NAV3: variants seen among roughly 807,000 people sequenced by gnomAD.
NAV3 encodes the protein pore membrane and/or filament interacting like protein 1.
NAV3 carries 87 observed loss-of-function variants against 244.7 expected under a neutral mutation model. That is an observed-to-expected ratio of 0.36 (90% CI 0.30 to 0.42). NAV3 has a LOEUF of 0.42. Among genes scored for constraint, NAV3 ranks in the 20% least tolerant of loss-of-function variants. The probability of loss-of-function intolerance (pLI) is 1.00; values close to 1 mark genes in which losing one functional copy is unlikely to be tolerated. For synonymous variants in NAV3, 1,126 were observed against 1,042.2 expected (o/e 1.08, Z -1.55); for missense variants, 2,663 against 2,893.3 (o/e 0.92, Z 1.83).
intron 1 of NAV3, among the ~76,000 whole-genome samples, chr12:77,907,441 A>T (rs1161286385): frequency 6.6e-6 from 1 of 151,998 alleles, no homozygotes; most frequent in East Asian, 1.9e-4. Flanking sequence ...GCTCAATTTC[A>T]TCTCTTTTAT....
chr12:77,824,762 G>T (rs1336316352), intron 2 of NAV3, among the ~76,000 whole-genome samples: 1 of 151,850 alleles, frequency 6.6e-6, no homozygotes, highest in Non-Finnish European at 1.5e-5. Flanking sequence ...GTGTGGTGGT[G>T]TGTGCCTGTA....
chr12:78,022,380 G>A (rs1002287440), intron 9 of NAV3, among the ~76,000 whole-genome samples: 1 of 152,146 alleles, frequency 6.6e-6, no homozygotes. Context: ...TGCTCAGCTT[G>A]AGCACAATGT....
At chr12:77,875,439 A>G (rs1207165770) in intron 1 of NAV3, among the ~76,000 whole-genome samples, 2 of 152,050 alleles carry the variant, frequency 1.3e-5, no homozygotes, top group African/African-American at 4.8e-5. Context: ...TTAATGCTTT[A>G]TAATTATCAA....
chr12:77,758,831 G>T (rs189861832), intron 2 of NAV3, among the ~76,000 whole-genome samples: 2 of 152,254 alleles, frequency 1.3e-5, no homozygotes, highest in African/African-American at 2.4e-5. Flanking sequence ...CAATAGTAAA[G>T]AAGTGAAATA....
chr12:77,783,710 G>C (rs1870778102), intron 2 of NAV3: 1 of 152,150 alleles, frequency 6.6e-6, no homozygotes, highest in Non-Finnish European at 1.5e-5. Context: ...ATTTTACTTA[G>C]AGGAAACTAC....
At position 77,669,286 on chromosome 12, in the gene NAV3, A is replaced by G. The variant is rs192325498; in HGVS notation, c.72+97020A>G. Among the ~76,000 whole-genome samples, 174 of 152,256 alleles carry G rather than the reference A, an allele frequency of 1.1e-3. 2 individuals carry two copies. The highest frequency in any genetic ancestry group is 5.3e-4 in the Non-Finnish European group (36 of 67,998). ...CTCACAGGGCCTAAGTAACAACACA[A>G]TGAAGAAAAAAACAACGTATTCAGG... On this transcript the variant is annotated intron_variant, in intron 2 of 8. Transcript: ENST00000550042.
chr12:77,949,421 G>A (rs1184860583), intron 3 of NAV3, among the ~76,000 whole-genome samples: 1 of 151,940 alleles, frequency 6.6e-6, no homozygotes, highest in Non-Finnish European at 1.5e-5. Context: ...ATTATCTTTA[G>A]ACTTATTAAC....
intron 5 of NAV3, among the ~76,000 whole-genome samples, chr12:77,980,115 T>G (rs766861407): frequency 6.6e-6 from 1 of 152,162 alleles, no homozygotes; most frequent in Non-Finnish European, 1.5e-5. Flanking sequence ...TGTCCAGATA[T>G]AATTATCTGA....
At chr12:78,071,058 G>A (rs1225577404) in intron 12 of NAV3, among the ~76,000 whole-genome samples, 1 of 151,642 alleles carries the variant, frequency 6.6e-6, no homozygotes, top group East Asian at 2.0e-4. Flanking sequence ...AGTCCTTTGG[G>A]TATATACCCA....
chr12:77,688,527 A>G (rs1443669347), intron 2 of NAV3, among the ~76,000 whole-genome samples: 1 of 152,050 alleles, frequency 6.6e-6, no homozygotes, highest in Non-Finnish European at 1.5e-5. Flanking sequence ...TATTTGTTCA[A>G]CTGATTTTGG....
intron 1 of NAV3, among the ~76,000 whole-genome samples, chr12:77,916,262 G>T (rs1177296904): frequency 3.3e-5 from 5 of 151,986 alleles, no homozygotes; most frequent in Non-Finnish European, 5.9e-5. Context: ...TTTATTATTT[G>T]AAAGACATTG....
chr12:77,712,565 A>G (rs563939215), intron 2 of NAV3, among the ~76,000 whole-genome samples: 17 of 152,338 alleles, frequency 1.1e-4, no homozygotes, highest in African/African-American at 3.6e-4. Flanking sequence ...TTAGCCTGAT[A>G]TCCTAACCAG....
chr12:77,928,513 GA>G (rs1247090638), intron 1 of NAV3, among the ~76,000 whole-genome samples: 11 of 152,070 alleles, frequency 7.2e-5, no homozygotes, highest in Non-Finnish European at 1.0e-4. Flanking sequence ...CCTCATTAAC[GA>G]AAAACTTATG....
chr12:77,854,321 T>G (rs1254398930), intron 1 of NAV3, among the ~76,000 whole-genome samples: 1 of 152,190 alleles, frequency 6.6e-6, no homozygotes, highest in African/African-American at 2.4e-5. Context: ...TGGCAGTACC[T>G]CATACCATGT....
chr12:77,751,328 C>G (rs899875483), intron 2 of NAV3, among the ~76,000 whole-genome samples: 2 of 152,190 alleles, frequency 1.3e-5, no homozygotes. Context: ...TCTACCCCTG[C>G]CTAGGCATAT....
chr12:78,042,278 T>C (rs1365415794), intron 9 of NAV3, among the ~76,000 whole-genome samples: 2 of 152,200 alleles, frequency 1.3e-5, no homozygotes, highest in African/African-American at 4.8e-5. Context: ...TGATAGGTGG[T>C]GATTGTATCA....
intron 2 of NAV3, among the ~76,000 whole-genome samples, chr12:77,771,974 C>G (rs1276131385): frequency 2.6e-5 from 4 of 151,648 alleles, no homozygotes; most frequent in Non-Finnish European, 4.4e-5. Flanking sequence ...AAAATATGAC[C>G]AAGTATGAAA....
Position 77,763,385 on chromosome 12 carries a change from T to G in NAV3, c.73-176934T>G, listed in dbSNP as rs551683234. Among the ~76,000 whole-genome samples the G allele has an allele frequency of 2.0e-5, 3 of 152,270 alleles. No individual in the cohort carries two copies. The East Asian group carries it at 5.8e-4, about 29-fold the overall frequency. On this transcript the variant is annotated intron_variant, in intron 2 of 8. Coordinates refer to the NAV3 transcript ENST00000550042. ...ACAGAACCTGCTAAACAGGAGAGGT[T>G]TCAGCTTTGGTTTTTGTGGGTCAGG... is the stretch of plus-strand genomic sequence containing the variant.
rs12816859 is a variant in NAV3, at chr12:78,160,629, C to G, written c.4869+1343C>G. On this transcript the variant is annotated intron_variant, in intron 23 of 39. Coordinates refer to ENST00000397909, the MANE Select transcript of NAV3 (RefSeq NM_001024383.2). ...TAGTATGTATTACCAAATTTTGTCACTTTACAAAAGTTTATTTTTAAAACA... is the reference window on the plus strand; with the variant it reads ...TAGTATGTATTACCAAATTTTGTCAGTTTACAAAAGTTTATTTTTAAAACA... 9.8e-3 allele frequency among the ~76,000 whole-genome samples: 1,492 copies of G among 152,106 alleles called. 26 individuals carry two copies. The highest frequency in any genetic ancestry group is 0.034 in the African/African-American group (1,396 of 41,496).
Sources: allele counts gnomAD v4.1 joint callset (sites outside exome capture counted in the v4.1 genomes callset), GRCh38; gene constraint gnomAD v4.1.1; transcripts MANE v1.5; gene names NCBI Gene and HGNC (gene_info 2026-07-23, HGNC 2026-07-21).